The following PTP4A1 variants were observed in gnomAD, a reference collection of about 807,000 sequenced individuals.
PTP4A1 encodes the protein protein tyrosine phosphatase type IVA 1.
In PTP4A1, 9 loss-of-function variants were observed where a neutral mutation model predicts 20.5. That is an observed-to-expected ratio of 0.44 (90% confidence interval 0.26 to 0.77). The LOEUF (loss-of-function observed/expected upper bound fraction) is 0.77. Ranked by LOEUF, PTP4A1 falls within the 30% of genes least tolerant of loss-of-function variation. The probability of loss-of-function intolerance (pLI) is 0.19; values close to 1 mark genes in which losing one functional copy is unlikely to be tolerated. For synonymous variants in PTP4A1, 78 were observed against 67.4 expected, an observed-to-expected ratio of 1.16 and a Z score of -0.77; for missense variants, 137 against 218.8, an observed-to-expected ratio of 0.63 and a Z score of 2.36.
chr6:63,560,829 T>C (rs1776918120), intron 3 of PTP4A1, among the ~76,000 whole-genome samples: 2 of 152,184 alleles, frequency 1.3e-5, no homozygotes, highest in South Asian at 2.1e-4. Context: ...TAACAGTTCA[T>C]AGATTGGCAC....
intron 3 of PTP4A1, among the ~76,000 whole-genome samples, chr6:63,556,722 C>T (rs562418524): frequency 1.3e-5 from 2 of 152,312 alleles, no homozygotes; most frequent in South Asian, 2.1e-4. Context: ...TACTGCTTGT[C>T]AGTTCTTGTT....
upstream of PTP4A1, among the ~76,000 whole-genome samples, chr6:63,568,484 A>C (rs551278278): frequency 2.3e-3 from 348 of 152,332 alleles, 2 homozygotes; most frequent in Middle Eastern, 0.014. Context: ...CAATAACAAT[A>C]TCAAAGATCA....
At chr6:63,520,630 CAAAT>C (rs201294226), upstream of PTP4A1, among the ~76,000 whole-genome samples, 6,981 of 138,968 alleles carry the variant, frequency 0.05, 249 homozygotes, top group African/African-American at 0.097. Context: ...GACTCTGTCT[CAAAT>C]AAATAAATAA....
chr6:63,520,422 T>C (rs1774877545), upstream of PTP4A1, among the ~76,000 whole-genome samples: 1 of 149,756 alleles, frequency 6.7e-6, no homozygotes, highest in Non-Finnish European at 1.5e-5. Context: ...AGGCCAGGAG[T>C]TCAAGACCAG....
chr6:63,552,682 T>C (rs1488872409), intron 3 of PTP4A1, among the ~76,000 whole-genome samples: 8 of 152,238 alleles, frequency 5.3e-5, no homozygotes, highest in Non-Finnish European at 1.2e-4. Context: ...AACATTTAAG[T>C]CTTTAATCCA....
chr6:63,521,714 A>G (rs1317189258), upstream of PTP4A1: 1 of 152,190 alleles, frequency 6.6e-6, no homozygotes, highest in South Asian at 2.1e-4. Flanking sequence ...ATTAACAGAT[A>G]GACTTAAGCT....
At chr6:63,575,350 G>T (rs1777786285) in intron 1 of PTP4A1, among the ~76,000 whole-genome samples, 1 of 152,058 alleles carries the variant, frequency 6.6e-6, no homozygotes, top group Non-Finnish European at 1.5e-5. Flanking sequence ...CTTTACTCCC[G>T]AGTACACAAG....
At chr6:63,556,224 A>AAGC (rs1445647633) in intron 3 of PTP4A1, among the ~76,000 whole-genome samples, 8 of 151,748 alleles carry the variant, frequency 5.3e-5, no homozygotes, top group African/African-American at 1.9e-4. Context: ...CAGTGCCACA[A>AAGC]TCACAGCTCA....
intron 3 of PTP4A1, among the ~76,000 whole-genome samples, chr6:63,558,832 C>T (rs1005052296): frequency 6.6e-6 from 1 of 152,112 alleles, no homozygotes; most frequent in Admixed American, 6.5e-5. Flanking sequence ...CCCAGGGGCC[C>T]CCATAAGAGA....
At chr6:63,544,639 T>G (rs952370339) in intron 2 of PTP4A1, among the ~76,000 whole-genome samples, 1 of 152,180 alleles carries the variant, frequency 6.6e-6, no homozygotes, top group Non-Finnish European at 1.5e-5. Context: ...ATTATTTATC[T>G]TCTATATGAC....
At chr6:63,544,962 A>G (rs2149486155) in intron 2 of PTP4A1, among the ~76,000 whole-genome samples, 2 of 152,270 alleles carry the variant, frequency 1.3e-5, no homozygotes, top group East Asian at 3.9e-4. Flanking sequence ...TGCATATCAA[A>G]CTTTCATGCA....
intron 3 of PTP4A1, among the ~76,000 whole-genome samples, chr6:63,565,333 A>G (rs1434356553): frequency 3.9e-5 from 6 of 152,178 alleles, no homozygotes; most frequent in Admixed American, 3.9e-4. Context: ...TTTGGAGACT[A>G]CCTAGACAAC....
At chr6:63,523,045 A>G (rs1775001722) in intron 1 of PTP4A1, among the ~76,000 whole-genome samples, 1 of 151,742 alleles carries the variant, frequency 6.6e-6, no homozygotes. Context: ...TTGTATTTTT[A>G]GCAGACATGG....
intron 3 of PTP4A1, among the ~76,000 whole-genome samples, chr6:63,554,339 T>C (rs1776578776): frequency 6.6e-6 from 1 of 152,170 alleles, no homozygotes. Context: ...GAGTATCTTG[T>C]CCAGAACTTG....
In PTP4A1 at chr6:63,526,835, ATT is replaced by A. The variant is rs1243456253; in HGVS notation, c.-905-982_-905-981del. On this transcript the variant is annotated intron_variant, in intron 1 of 3. Transcript: ENST00000639568. Reference sequence around the variant, plus strand: ...TATATATATATATATATATATATATATTTATTTATTTATTCTTCTTAAGGGCT... The same window carrying A: ...TATATATATATATATATATATATATATATTTATTTATTCTTCTTAAGGGCT... Among the ~76,000 whole-genome samples the A allele has an allele frequency of 1.2e-3, 149 of 128,964 alleles. 1 individual carries two copies. The highest frequency in any genetic ancestry group is 2.6e-3 in the African/African-American group (88 of 33,506). The allele number at this position is 128,964 out of a possible 152,430, so 84.6% of individuals were successfully genotyped here. A position where few individuals can be genotyped will look rare whatever the true frequency, so the allele number is the denominator to read the frequency against.
intron 5 of PTP4A1, 42 bp from the exon 6 acceptor site, chr6:63,579,993 AGACACTAAATATTACTGTAGGG>A (rs1308734030): frequency 4.2e-6 from 5 of 1,197,922 alleles, no homozygotes; most frequent in Non-Finnish European, 6.0e-6. Flanking sequence ...GTTGTCTATA[AGACACTAAATATTACTGTAGGG>A]GGCTTTTGCC....
At chr6:63,530,469 C>T (rs192317750) in intron 2 of PTP4A1, among the ~76,000 whole-genome samples, 92 of 152,182 alleles carry the variant, frequency 6.0e-4, no homozygotes, top group African/African-American at 2.0e-3. Flanking sequence ...AAGGCTTAGA[C>T]GCCCAGATGT....
intron 3 of PTP4A1, among the ~76,000 whole-genome samples, chr6:63,565,526 TGATAA>T (rs1392018669): frequency 1.9e-4 from 29 of 152,330 alleles, no homozygotes; most frequent in South Asian, 8.3e-4. Context: ...TATGATGACT[TGATAA>T]GATGTTACTT....
In PTP4A1 at chr6:63,576,895, C is replaced by G; in HGVS notation, c.15C>G (p.Asn5Lys). Residue 5 changes from asparagine to lysine, a missense_variant, in exon 2 of 6, where the codon AAC becomes AAG. Transcript: ENST00000626021. ...ACTAAATTAACATGGCTCGAATGAACCGCCCAGCTCCTGTGGAAGTCACAT... is the reference window on the plus strand; with the variant it reads ...ACTAAATTAACATGGCTCGAATGAAGCGCCCAGCTCCTGTGGAAGTCACAT... MARM[N>K]RPAPVEVTYK... 1 of 1,612,780 alleles carries G rather than the reference C, an allele frequency of 6.2e-7. No homozygotes were observed. The highest frequency in any genetic ancestry group is 8.5e-7 in the Non-Finnish European group (1 of 1,179,766).
Sources: allele counts gnomAD v4.1 joint callset (sites outside exome capture counted in the v4.1 genomes callset), GRCh38; gene constraint gnomAD v4.1.1; transcripts MANE v1.5; gene names NCBI Gene and HGNC (gene_info 2026-07-23, HGNC 2026-07-21).